The following KCTD3 variants were observed in gnomAD, a reference collection of about 807,000 sequenced individuals.
KCTD3 encodes the protein BTB/POZ domain-containing protein KCTD3.
In KCTD3, 41 loss-of-function variants were observed where a neutral mutation model predicts 85.8. The ratio of observed to expected loss-of-function variants is 0.48; its 90% CI spans 0.37 to 0.62. The LOEUF (loss-of-function observed/expected upper bound fraction) is 0.62, where lower values mean the gene tolerates loss of function less well. Among genes scored for constraint, KCTD3 ranks in the 20% least tolerant of loss-of-function variants. The pLI is 0.00. For missense variants in KCTD3, 724 were observed against 989.9 expected, an observed-to-expected ratio of 0.73 and a Z score of 3.60; for synonymous variants, 338 against 345.4, an observed-to-expected ratio of 0.98 and a Z score of 0.24.
chr1:215,611,834 G>T lies in KCTD3; in HGVS notation c.1475G>T (p.Gly492Val). 1 of 1,597,280 alleles carries T rather than the reference G, an allele frequency of 6.3e-7. No homozygotes were observed. Among genetic ancestry groups the T allele is most frequent in the Non-Finnish European group, 8.5e-7 (1 of 1,170,074 alleles). The change falls in exon 15 of 18, where the codon GGA (glycine) becomes GTA (valine). Residue 492 changes from glycine (G) to valine (V), a missense_variant. Physicochemically the swap from Gly to Val is moderately radical, Grantham distance 109. Transcript: ENST00000259154. ...YSSGNDIGPF[G>V]ERDDQQVFIQ... is the part of the protein sequence containing the mutation. Reference sequence around the variant, plus strand: ...TTGTTTTCTGATCAAGGACCTTTTGGAGAGCGAGACGATCAACAGGTGTTT... The same window carrying T: ...TTGTTTTCTGATCAAGGACCTTTTGTAGAGCGAGACGATCAACAGGTGTTT...
chr1:215,598,129 A>G (rs1464296857), intron 10 of KCTD3, among the ~76,000 whole-genome samples: 2 of 152,030 alleles, frequency 1.3e-5, no homozygotes, highest in African/African-American at 4.8e-5. Flanking sequence ...AGGCTCTGGG[A>G]TCTGGGATTT....
rs150322454 is a variant in KCTD3 at position 215,604,471 on chromosome 1, G to A, written c.1309+169G>A. ...TTTTAAAGATTTCTTTGAGCTGGTC[G>A]TGGTGGCTCATGCCTATAAATCCTA... On this transcript the variant is annotated intron_variant, in intron 13 of 17. Coordinates refer to ENST00000259154, the MANE Select transcript of KCTD3 (RefSeq NM_016121.5). Among the ~76,000 whole-genome samples the A allele has an allele frequency of 4.6e-5, 7 of 152,164 alleles. No individual in the cohort carries two copies. In the East Asian group the frequency reaches 9.7e-4, roughly 21 times the overall value.
At chr1:215,618,834 T>G in intron 15 of KCTD3, 52 bp from the exon 16 acceptor site, 1 of 1,345,778 alleles carries the variant, frequency 7.4e-7, no homozygotes, top group African/African-American at 1.5e-5. Context: ...CATAGCTTCT[T>G]TTTAAATAAT....
intron 10 of KCTD3, among the ~76,000 whole-genome samples, chr1:215,597,795 G>C (rs1467330672): frequency 6.6e-6 from 1 of 151,958 alleles, no homozygotes; most frequent in Non-Finnish European, 1.5e-5. Context: ...CACTTTTTCT[G>C]TGTGTGTGAT....
intron 9 of KCTD3, among the ~76,000 whole-genome samples, chr1:215,592,663 T>A (rs973009141): frequency 2.0e-5 from 3 of 152,192 alleles, no homozygotes; most frequent in Non-Finnish European, 2.9e-5. Context: ...ACAATAGTAA[T>A]TTGTTCATGC....
intron 15 of KCTD3, among the ~76,000 whole-genome samples, chr1:215,615,492 T>C (rs370333076): frequency 2.0e-5 from 3 of 151,466 alleles, no homozygotes; most frequent in Non-Finnish European, 4.4e-5. Flanking sequence ...TGGTGGCGGG[T>C]GCCTGTAGTC....
Position 215,586,268 on chromosome 1 carries a change from C to T in KCTD3, c.627-227C>T, listed in dbSNP as rs761440039. Among the ~76,000 whole-genome samples, 4 of 151,862 alleles carry T rather than the reference C, an allele frequency of 2.6e-5. No individual in the cohort carries two copies. The East Asian group carries it at 5.8e-4, about 22-fold the overall frequency. On this transcript the variant is annotated intron_variant, in intron 8 of 17. Coordinates refer to ENST00000259154, the MANE Select transcript of KCTD3 (RefSeq NM_016121.5). ...TATAGAACTGTAGTCTCTTTCAAGT[C>T]GTTATATGTGCTATGTATGCAAGTA...
chr1:215,568,483 CCG>C (rs1280510636), intron 1 of KCTD3, among the ~76,000 whole-genome samples: 9 of 17,828 alleles, frequency 5.0e-4, no homozygotes, highest in African/African-American at 1.8e-3. Context: ...TTCTGGCCTT[CCG>C]CCCCCCCCCC....
intron 13 of KCTD3, among the ~76,000 whole-genome samples, chr1:215,606,548 G>GTTTA (rs2102595614): frequency 6.6e-6 from 1 of 152,142 alleles, no homozygotes; most frequent in Admixed American, 6.6e-5. Flanking sequence ...TTATTGTGAT[G>GTTTA]TTTAGATGAT....
At chr1:215,614,695 T>C (rs1362484064) in intron 15 of KCTD3, among the ~76,000 whole-genome samples, 1 of 152,228 alleles carries the variant, frequency 6.6e-6, no homozygotes, top group African/African-American at 2.4e-5. Context: ...GCTGAAGTTG[T>C]TTATTAGATG....
chr1:215,604,041 C>T, intron 12 of KCTD3, 91 bp from the exon 13 acceptor site: 1 of 956,866 alleles, frequency 1.0e-6, no homozygotes, highest in East Asian at 2.5e-5. Context: ...GAATCCAGCT[C>T]TGCCTATTTT....
In KCTD3 at chr1:215,586,130, T is replaced by TTG. The variant is rs1170921785; in HGVS notation, c.627-354_627-353dup. Among the ~76,000 whole-genome samples, 5 of 152,042 alleles carry TTG rather than the reference T, an allele frequency of 3.3e-5. No homozygotes were observed. The South Asian group carries it at 6.2e-4, about 19-fold the overall frequency. The stretch of plus-strand genomic sequence containing the variant: ...TACTCACAGAAGATGACAGTATCAT[T>TTG]TGTGTGTGTGTGCGTGTGTGTAGAG... On this transcript the variant is annotated intron_variant, in intron 8 of 17. Coordinates refer to ENST00000259154, the MANE Select transcript of KCTD3 (RefSeq NM_016121.5).
At chr1:215,599,892 G>GA (rs200797797) in intron 10 of KCTD3, among the ~76,000 whole-genome samples, 1,692 of 85,010 alleles carry the variant, frequency 0.02, 4 homozygotes, top group Middle Eastern at 0.037. Context: ...CTCTTTCATT[G>GA]AAAAAAAAAA....
At position 215,571,938 on chromosome 1, in the gene KCTD3, A is replaced by G. The variant is rs1269986172; in HGVS notation, c.84-1848A>G. Among the ~76,000 whole-genome samples, 3 of 152,194 alleles carry G rather than the reference A, an allele frequency of 2.0e-5. No individual in the cohort carries two copies. The East Asian group carries it at 5.8e-4, about 29-fold the overall frequency. ...GAGCCACCGCGCCTAGCCGAGATAA[A>G]CTTTTAATTGTGATTGGAAAGCATG... On this transcript the variant is annotated intron_variant, in intron 1 of 17. Transcript: ENST00000259154.
chr1:215,573,860 G>T (rs1475420098), intron 2 of KCTD3, 21 bp downstream of exon 2: 3 of 1,405,846 alleles, frequency 2.1e-6, no homozygotes, highest in Non-Finnish European at 2.0e-6. Flanking sequence ...TAATTCTTTA[G>T]TGTATATTTT....
Position 215,602,813 on chromosome 1 carries a change from G to A in KCTD3, c.1138+612G>A, listed in dbSNP as rs1469689017. Reference sequence around the variant, plus strand: ...AATTTGTATTCAGTAATACTAATAGGTTTGGATGTGCTACTTATATAAGTC... The same window carrying A: ...AATTTGTATTCAGTAATACTAATAGATTTGGATGTGCTACTTATATAAGTC... On this transcript the variant is annotated intron_variant, in intron 12 of 17. Transcript: ENST00000259154. Among the ~76,000 whole-genome samples, 3 of 152,106 alleles carry A rather than the reference G, an allele frequency of 2.0e-5. No homozygotes were observed. The East Asian group carries it at 5.8e-4, about 29-fold the overall frequency.
intron 1 of KCTD3, among the ~76,000 whole-genome samples, chr1:215,570,843 A>G (rs1025283892): frequency 2.0e-5 from 3 of 152,180 alleles, no homozygotes; most frequent in African/African-American, 7.2e-5. Flanking sequence ...TTGGGACACT[A>G]TGGGTATGGG....
chr1:215,576,074 T>C (rs79889598), intron 4 of KCTD3, 100 bp downstream of exon 4: 3 of 712,364 alleles, frequency 4.2e-6, no homozygotes, highest in Admixed American at 3.2e-5. Context: ...TTTTTTTTTT[T>C]CCTTGAGTTG....
intron 10 of KCTD3, 84 bp from the exon 11 acceptor site, chr1:215,601,783 A>G: frequency 4.8e-6 from 4 of 827,118 alleles, no homozygotes; most frequent in Non-Finnish European, 5.8e-6. Flanking sequence ...TCTTTACCAG[A>G]AGAATCAAAG....
Sources: allele counts gnomAD v4.1 joint callset (sites outside exome capture counted in the v4.1 genomes callset), GRCh38; gene constraint gnomAD v4.1.1; transcripts MANE v1.5; gene names NCBI Gene and HGNC (gene_info 2026-07-23, HGNC 2026-07-21).